UQCC1: variants seen among roughly 807,000 people sequenced by gnomAD.
UQCC1 encodes ubiquinol-cytochrome c reductase complex assembly factor 1, also known as bFGF-repressed Zic-binding protein.
Under a neutral mutation model 48.0 loss-of-function variants are expected in UQCC1, and 38 were observed. The ratio of observed to expected loss-of-function variants is 0.79; its 90% CI spans 0.61 to 1.04. The LOEUF is 1.04. Ranked by LOEUF, UQCC1 falls within the 50% of genes least tolerant of loss-of-function variation. UQCC1 has a pLI of 0.00. For missense variants in UQCC1, 368 were observed against 381.8 expected, an observed-to-expected ratio of 0.96 and a Z score of 0.30; for synonymous variants, 111 against 129.2, an observed-to-expected ratio of 0.86 and a Z score of 0.95.
At chr20:35,386,211 T>G (rs141155090) in intron 2 of UQCC1, 241 of 388,060 alleles carry the variant, frequency 6.2e-4, no homozygotes, top group African/African-American at 4.9e-3. Flanking sequence ...TAAGAATCTA[T>G]AGCCAAAATA....
chr20:35,309,436 A>G (rs898730209), intron 8 of UQCC1, among the ~76,000 whole-genome samples: 1 of 134,192 alleles, frequency 7.5e-6, no homozygotes, highest in Non-Finnish European at 1.6e-5. Flanking sequence ...CTGTCTTAGG[A>G]AAAAAAAAAA....
In UQCC1 at chr20:35,304,088, G is replaced by T; in HGVS notation, c.766-19C>A. Reference sequence around the variant, plus strand: ...ACTGTATCTGCAACCAGGGGAGGGGGAAGGAGGAAGCGACAGAGGCAGGGC... The same window carrying T: ...ACTGTATCTGCAACCAGGGGAGGGGTAAGGAGGAAGCGACAGAGGCAGGGC... On this transcript the variant is annotated intron_variant, in intron 9 of 9. Coordinates refer to ENST00000374385, the MANE Select transcript of UQCC1 (RefSeq NM_018244.5). 6.2e-7 allele frequency: 1 copy of T among 1,613,842 alleles called. No homozygotes were observed. The highest frequency in any genetic ancestry group is 8.5e-7 in the Non-Finnish European group (1 of 1,179,826).
intron 2 of UQCC1, among the ~76,000 whole-genome samples, chr20:35,388,865 G>A (rs938604673): frequency 2.0e-5 from 3 of 152,096 alleles, no homozygotes; most frequent in African/African-American, 7.2e-5. Context: ...AGGAGTTCAA[G>A]GCTAACCTGG....
intron 5 of UQCC1, 137 bp downstream of exon 5, chr20:35,374,047 A>T: frequency 1.6e-6 from 1 of 636,916 alleles, no homozygotes; most frequent in Non-Finnish European, 2.7e-6. Context: ...AGAGACAAAT[A>T]GACAGTTTGG....
At chr20:35,333,279 T>C (rs2061277926) in intron 7 of UQCC1, among the ~76,000 whole-genome samples, 2 of 152,204 alleles carry the variant, frequency 1.3e-5, no homozygotes, top group African/African-American at 4.8e-5. Flanking sequence ...AAGGATTAAA[T>C]GAGATGATGT....
At chr20:35,316,714 C>T (rs1003373957) in intron 7 of UQCC1, among the ~76,000 whole-genome samples, 12 of 152,106 alleles carry the variant, frequency 7.9e-5, no homozygotes, top group Admixed American at 7.2e-4. Flanking sequence ...TCTTGGCTCA[C>T]GGCAACCTCC....
In UQCC1 at chr20:35,303,953, G is replaced by T. The variant is rs781778408; in HGVS notation, c.882C>A (p.Tyr294Ter). 60 of 1,614,110 alleles carry T rather than the reference G, an allele frequency of 3.7e-5. No individual in the cohort carries two copies. The highest frequency in any genetic ancestry group is 1.1e-4 in the South Asian group (10 of 91,094). The stretch of plus-strand genomic sequence containing the variant: ...CAGCCCATCAAAGTCCCTCGTCGTT[G>T]TAAGTCGGAGAATGGGGCTTCAGGA... ...QSILKPHSPT[Y>*]NDEGL Residue 294 changes from tyrosine to a stop codon, truncating the protein, a stop_gained, in exon 10 of 10, where the codon TAC (tyrosine) becomes TAA (stop). Transcript: ENST00000374385. LOFTEE classifies it high-confidence loss of function.
At chr20:35,309,826 G>A (rs1009307663) in intron 8 of UQCC1, among the ~76,000 whole-genome samples, 2 of 152,224 alleles carry the variant, frequency 1.3e-5, no homozygotes, top group Non-Finnish European at 2.9e-5. Context: ...TCAGCATGAT[G>A]CTAGGAACAC....
chr20:35,315,823 C>T (rs1469531121), intron 7 of UQCC1, among the ~76,000 whole-genome samples: 1 of 152,078 alleles, frequency 6.6e-6, no homozygotes, highest in Admixed American at 6.5e-5. Flanking sequence ...GAGGCCGAGG[C>T]TGCAGTGAGC....
intron 8 of UQCC1, 79 bp downstream of exon 8, chr20:35,314,609 G>T: frequency 1.6e-6 from 2 of 1,226,672 alleles, no homozygotes; most frequent in East Asian, 2.4e-5. Context: ...GGTCCCTGTG[G>T]CTTCCCTCAG....
At chr20:35,317,428 G>T (rs1419318288) in intron 7 of UQCC1, among the ~76,000 whole-genome samples, 1 of 152,190 alleles carries the variant, frequency 6.6e-6, no homozygotes, top group Non-Finnish European at 1.5e-5. Context: ...TACAGCCATG[G>T]ATAATTTTCA....
rs1408134106 is a variant in UQCC1 at position 35,303,745 on chromosome 20, C to T, written c.*190G>A. 9 of 771,874 alleles carry T rather than the reference C, an allele frequency of 1.2e-5. No homozygotes were observed. In the East Asian group the frequency reaches 2.4e-4, roughly 20 times the overall value. The allele number at this position is 771,874 out of a possible 1,614,324, so 47.8% of individuals were successfully genotyped here. A position where few individuals can be genotyped will look rare whatever the true frequency, so the allele number is the denominator to read the frequency against. Reference sequence around the variant, plus strand: ...CCGGGAGAGCTAGGGGTTCTCCCAGCCCTGTACCCCAGCAGATCAGACTCC... The same window carrying T: ...CCGGGAGAGCTAGGGGTTCTCCCAGTCCTGTACCCCAGCAGATCAGACTCC... On this transcript the variant is annotated 3_prime_UTR_variant, in exon 10 of 10. Transcript: ENST00000374385.
intron 6 of UQCC1, among the ~76,000 whole-genome samples, chr20:35,350,997 G>A (rs532208732): frequency 7.2e-5 from 11 of 152,082 alleles, no homozygotes; most frequent in East Asian, 5.8e-4. Flanking sequence ...GGCCAAGATC[G>A]CGCCACTGCA....
In UQCC1 at chr20:35,391,619, G is replaced by A. The variant is rs568022386; in HGVS notation, c.129+2473C>T. On this transcript the variant is annotated intron_variant, in intron 2 of 9. Transcript: ENST00000374385. ...AGTGTCATCCACCCTGGACGACAGA[G>A]TGGGACTCTGTCTTAAAAAAAAAAA... Among the ~76,000 whole-genome samples the A allele has an allele frequency of 1.7e-4, 22 of 127,570 alleles. No homozygotes were observed. The South Asian group carries it at 6.0e-3, about 35-fold the overall frequency. The allele number at this position is 127,570 out of a possible 152,430, so 83.7% of individuals were successfully genotyped here.
intron 7 of UQCC1, among the ~76,000 whole-genome samples, chr20:35,333,562 AG>A (rs1002507121): frequency 3.3e-5 from 5 of 152,204 alleles, no homozygotes; most frequent in Non-Finnish European, 7.3e-5. Context: ...TCAATGCAGA[AG>A]GGCACATAAA....
chr20:35,347,609 C>T (rs557949238), intron 6 of UQCC1, among the ~76,000 whole-genome samples: 14 of 152,112 alleles, frequency 9.2e-5, no homozygotes, highest in Middle Eastern at 3.4e-3. Context: ...AAGTCTGAAT[C>T]CTTCATTTTA....
At chr20:35,405,029 A>C (rs1208650662) in intron 1 of UQCC1, among the ~76,000 whole-genome samples, 1 of 152,184 alleles carries the variant, frequency 6.6e-6, no homozygotes, top group Non-Finnish European at 1.5e-5. Flanking sequence ...CATGCTCAGG[A>C]AAGACCTAAG....
At chr20:35,373,453 C>CG (rs1274150578) in intron 5 of UQCC1, among the ~76,000 whole-genome samples, 1 of 152,146 alleles carries the variant, frequency 6.6e-6, no homozygotes, top group East Asian at 1.9e-4. Flanking sequence ...CCAAGGAGGG[C>CG]GGATCACGTG....
intron 8 of UQCC1, among the ~76,000 whole-genome samples, chr20:35,307,515 T>C (rs1169513218): frequency 6.6e-6 from 1 of 152,174 alleles, no homozygotes; most frequent in East Asian, 1.9e-4. Context: ...TTTTCTAGCT[T>C]GGACCTCTAG....
Sources: gnomAD v4.1 joint callset for allele counts (sites outside exome capture counted in the v4.1 genomes callset) on GRCh38, gnomAD v4.1.1 for gene constraint, MANE v1.5 for transcripts, NCBI Gene and HGNC (gene_info 2026-07-23, HGNC 2026-07-21) for gene names.